The following RABGAP1L variants were observed in gnomAD, a reference collection of about 807,000 sequenced individuals.
RABGAP1L encodes the protein rab GTPase-activating protein 1-like.
RABGAP1L carries 63 observed loss-of-function variants against 137.7 expected under a neutral mutation model. That is an observed-to-expected ratio of 0.46 (90% CI 0.37 to 0.56). The LOEUF is 0.56. Among genes scored for constraint, RABGAP1L ranks in the 20% least tolerant of loss-of-function variants. RABGAP1L has a pLI of 0.00. For missense variants in RABGAP1L, 1,095 were observed against 1,244.0 expected, an observed-to-expected ratio of 0.88 and a Z score of 1.80; for synonymous variants, 431 against 433.7, an observed-to-expected ratio of 0.99 and a Z score of 0.08.
chr1:174,664,759 A>G (rs1430229219), intron 14 of RABGAP1L, among the ~76,000 whole-genome samples: 1 of 59,944 alleles, frequency 1.7e-5, no homozygotes, highest in African/African-American at 9.7e-5. Context: ...TTTTTTTGAC[A>G]GAGTTTTCAC....
chr1:174,921,256 G>A (rs577836438), intron 19 of RABGAP1L, among the ~76,000 whole-genome samples: 8 of 152,226 alleles, frequency 5.3e-5, no homozygotes, highest in East Asian at 1.9e-4. Context: ...CAGCCCTAGC[G>A]AACTAATAAC....
At position 174,327,982 on chromosome 1, in the gene RABGAP1L, CACACATATATATATATATATATATAT is replaced by C. The variant is rs1680628884; in HGVS notation, c.1465+22857_1465+22882del. 1.2e-4 allele frequency among the ~76,000 whole-genome samples: 3 copies of C among 24,758 alleles called. 1 individual carries two copies. Among genetic ancestry groups the C allele is most frequent in the African/African-American group, 4.5e-4 (3 of 6,650 alleles). 16.2% of individuals were successfully genotyped at this position (24,758 alleles called of 152,430 possible). On this transcript the variant is annotated intron_variant, in intron 11 of 25. Transcript: ENST00000681986. Reference sequence around the variant, plus strand: ...ATATATATATATATATATATATACACACACATATATATATATATATATATATATATATATATATATATACCCAACAT... The same window carrying C: ...ATATATATATATATATATATATACACATATATATATATATATACCCAACAT...
At chr1:174,693,169 T>C (rs1678997890) in intron 15 of RABGAP1L, among the ~76,000 whole-genome samples, 1 of 152,200 alleles carries the variant, frequency 6.6e-6, no homozygotes, top group African/African-American at 2.4e-5. Context: ...TAATGAGGAA[T>C]TGGTAGCAGC....
intron 13 of RABGAP1L, among the ~76,000 whole-genome samples, chr1:174,559,129 A>T (rs1667056225): frequency 6.6e-6 from 1 of 152,304 alleles, no homozygotes; most frequent in South Asian, 2.1e-4. Flanking sequence ...ATTCACTGAA[A>T]TGTAAATACC....
intron 10 of RABGAP1L, among the ~76,000 whole-genome samples, chr1:174,297,481 G>A (rs919235154): frequency 6.6e-6 from 1 of 152,210 alleles, no homozygotes; most frequent in African/African-American, 2.4e-5. Flanking sequence ...CGAACTTCTC[G>A]AGTTCCACTC....
In RABGAP1L at chr1:174,942,593, T is replaced by G. The variant is rs150886850; in HGVS notation, c.2341-14864T>G. On this transcript the variant is annotated intron_variant, in intron 19 of 25. Transcript: ENST00000681986. ...CCTTTCTGTGCCTTTGTTCTTCTTC[T>G]GTAAAATGAAGATGATAGAACAGCA... Among the ~76,000 whole-genome samples, 21 of 152,356 alleles carry G rather than the reference T, an allele frequency of 1.4e-4. No homozygotes were observed. In the East Asian group the frequency reaches 3.7e-3, roughly 27 times the overall value.
chr1:174,415,348 T>C (rs1206649772), intron 13 of RABGAP1L, among the ~76,000 whole-genome samples: 3 of 152,126 alleles, frequency 2.0e-5, no homozygotes, highest in African/African-American at 7.2e-5. Flanking sequence ...ACATTTTTAT[T>C]CCTAATAAGT....
intron 3 of RABGAP1L, among the ~76,000 whole-genome samples, chr1:174,223,245 G>A (rs1267656924): frequency 4.1e-5 from 5 of 122,802 alleles, no homozygotes; most frequent in Admixed American, 1.0e-4. Context: ...TCCAGCCTGC[G>A]TGACAGTGAG....
chr1:174,747,555 A>G (rs1242065396), intron 17 of RABGAP1L, among the ~76,000 whole-genome samples: 1 of 152,042 alleles, frequency 6.6e-6, no homozygotes, highest in Non-Finnish European at 1.5e-5. Flanking sequence ...TTTTATGGGT[A>G]ATGTCTAGAG....
At chr1:174,936,163 A>G (rs936067687) in intron 19 of RABGAP1L, among the ~76,000 whole-genome samples, 1 of 152,156 alleles carries the variant, frequency 6.6e-6, no homozygotes, top group Non-Finnish European at 1.5e-5. Flanking sequence ...GATGATATTT[A>G]CCAAGGAAAG....
chr1:174,899,976 T>G (rs1412407014), intron 19 of RABGAP1L, among the ~76,000 whole-genome samples: 1 of 152,058 alleles, frequency 6.6e-6, no homozygotes, highest in African/African-American at 2.4e-5. Flanking sequence ...AGGACTATAG[T>G]GCAGAAGTTG....
rs1335291965 is a variant in RABGAP1L at position 174,703,261 on chromosome 1, AC to A, written c.2169+1011del. Among the ~76,000 whole-genome samples, 6 of 151,960 alleles carry A rather than the reference AC, an allele frequency of 3.9e-5. No homozygotes were observed. The East Asian group carries it at 7.7e-4, about 20-fold the overall frequency. On this transcript the variant is annotated intron_variant, in intron 17 of 25. Coordinates refer to ENST00000681986, the MANE Select transcript of RABGAP1L (RefSeq NM_001366446.1). ...CCTGTTGAATAATTTCTTATCCCCTACCCCCCTCTCACTGTCCCATGTGAGT... is the reference window on the plus strand; with the variant it reads ...CCTGTTGAATAATTTCTTATCCCCTACCCCCTCTCACTGTCCCATGTGAGT...
At chr1:174,355,627 T>TA (rs935629907) in intron 11 of RABGAP1L, among the ~76,000 whole-genome samples, 214 of 148,812 alleles carry the variant, frequency 1.4e-3, no homozygotes, top group Middle Eastern at 6.9e-3. Context: ...TAATAAAATT[T>TA]AAAAAAAAAA....
chr1:174,739,071 TTGATG>T (rs1683179646), intron 17 of RABGAP1L, among the ~76,000 whole-genome samples: 1 of 152,216 alleles, frequency 6.6e-6, no homozygotes, highest in Admixed American at 6.5e-5. Flanking sequence ...GTATAACTGC[TTGATG>T]TGAGGACAGG....
intron 19 of RABGAP1L, among the ~76,000 whole-genome samples, chr1:174,953,115 T>C (rs1667988748): frequency 6.7e-6 from 1 of 149,916 alleles, no homozygotes; most frequent in Non-Finnish European, 1.5e-5. Flanking sequence ...AAAGTAAGAA[T>C]ACAAAATAGG....
chr1:174,775,297 A>C (rs893348451), intron 18 of RABGAP1L, among the ~76,000 whole-genome samples: 2 of 147,858 alleles, frequency 1.4e-5, no homozygotes, highest in African/African-American at 4.9e-5. Flanking sequence ...TATTATATTT[A>C]TGGAACCAGG....
chr1:174,559,089 CT>C (rs917156209), intron 13 of RABGAP1L, among the ~76,000 whole-genome samples: 42 of 152,136 alleles, frequency 2.8e-4, no homozygotes, highest in African/African-American at 1.0e-3. Context: ...GTCAGTCATC[CT>C]TTCCAAGCTA....
At chr1:174,539,428 GCTATCCCTTCC>G (rs1665173202) in intron 13 of RABGAP1L, among the ~76,000 whole-genome samples, 1 of 152,036 alleles carries the variant, frequency 6.6e-6, no homozygotes, top group African/African-American at 2.4e-5. Flanking sequence ...ATCTCCTAAT[GCTATCCCTTCC>G]CTGTCCCCAC....
rs1292935607 is a variant in RABGAP1L at position 174,991,833 on chromosome 1, T to C, written c.*1832T>C. On this transcript the variant is annotated 3_prime_UTR_variant, in exon 26 of 26. Coordinates refer to ENST00000681986, the MANE Select transcript of RABGAP1L (RefSeq NM_001366446.1). ...CTAGAAAATGTTATCTTGGCGCTTG[T>C]TTTTGTAAATCATTTAGTATAGGCT... 6.6e-6 allele frequency: 1 copy of C among 152,078 alleles called. No individual in the cohort carries two copies. The highest frequency in any genetic ancestry group is 1.5e-5 in the Non-Finnish European group (1 of 68,020). 9.4% of individuals were successfully genotyped at this position (152,078 alleles called of 1,614,324 possible).
Sources: gnomAD v4.1 joint callset for allele counts (sites outside exome capture counted in the v4.1 genomes callset) on GRCh38, gnomAD v4.1.1 for gene constraint, MANE v1.5 for transcripts, NCBI Gene and HGNC (gene_info 2026-07-23, HGNC 2026-07-21) for gene names.